The following SSBP2 variants were observed in gnomAD, a reference collection of about 807,000 sequenced individuals.
The protein encoded by SSBP2 is single stranded DNA binding protein 2.
In SSBP2, 17 loss-of-function variants were observed where a neutral mutation model predicts 61.8. The ratio of observed to expected loss-of-function variants is 0.28; its 90% CI spans 0.19 to 0.41. The LOEUF (loss-of-function observed/expected upper bound fraction) is 0.41. Among genes scored for constraint, SSBP2 ranks in the 10% least tolerant of loss-of-function variants. SSBP2 has a pLI of 1.00. For missense variants in SSBP2, 310 were observed against 458.7 expected (o/e 0.68, Z 2.96); for synonymous variants, 139 against 141.3 (o/e 0.98, Z 0.12).
At chr5:81,613,658 G>A (rs1021021648) in intron 4 of SSBP2, among the ~76,000 whole-genome samples, 13 of 152,168 alleles carry the variant, frequency 8.5e-5, no homozygotes, top group African/African-American at 2.9e-4. Context: ...TCTCCTTTAA[G>A]AGTAGAACAC....
intron 4 of SSBP2, among the ~76,000 whole-genome samples, chr5:81,568,323 G>A (rs1249148270): frequency 6.6e-6 from 1 of 152,136 alleles, no homozygotes; most frequent in East Asian, 1.9e-4. Context: ...TTTATCAGGT[G>A]TTTCCGGTTT....
intron 4 of SSBP2, among the ~76,000 whole-genome samples, chr5:81,517,146 C>T (rs181990777): frequency 6.6e-6 from 1 of 152,022 alleles, no homozygotes; most frequent in African/African-American, 2.4e-5. Context: ...TTCATTATAG[C>T]TCTCTCTTAA....
intron 1 of SSBP2, among the ~76,000 whole-genome samples, chr5:81,727,975 A>G (rs1756004679): frequency 6.6e-6 from 1 of 152,166 alleles, no homozygotes; most frequent in Admixed American, 6.5e-5. Context: ...CAGCCATAGA[A>G]AGGGCTGGGG....
intron 4 of SSBP2, among the ~76,000 whole-genome samples, chr5:81,517,370 GT>G (rs199949045): frequency 0.026 from 3,231 of 122,038 alleles, 55 homozygotes; most frequent in South Asian, 0.076. Flanking sequence ...TAAATTTCAA[GT>G]TTTTTTTTTT....
intron 4 of SSBP2, among the ~76,000 whole-genome samples, chr5:81,537,094 G>A (rs191792785): frequency 5.8e-4 from 88 of 152,038 alleles, no homozygotes; most frequent in South Asian, 1.9e-3. Flanking sequence ...TAAAAATTTC[G>A]TTAGTTGACT....
At chr5:81,747,716 T>C (rs551257451) in intron 1 of SSBP2, among the ~76,000 whole-genome samples, 1 of 152,294 alleles carries the variant, frequency 6.6e-6, no homozygotes, top group East Asian at 1.9e-4. Flanking sequence ...ATGTTCAAGA[T>C]ACCTCAGAGA....
chr5:81,549,693 C>T (rs757368678), intron 4 of SSBP2, among the ~76,000 whole-genome samples: 3 of 151,992 alleles, frequency 2.0e-5, no homozygotes, highest in South Asian at 2.1e-4. Context: ...TGATTATGAC[C>T]GTAATTTTAC....
chr5:81,631,927 C>T (rs1311031735), intron 3 of SSBP2, among the ~76,000 whole-genome samples: 1 of 152,048 alleles, frequency 6.6e-6, no homozygotes, highest in Non-Finnish European at 1.5e-5. Flanking sequence ...ACACTGAATC[C>T]ACATGTTTTC....
chr5:81,639,315 A>G (rs1289996711), intron 2 of SSBP2, among the ~76,000 whole-genome samples: 1 of 152,210 alleles, frequency 6.6e-6, no homozygotes, highest in Non-Finnish European at 1.5e-5. Context: ...AACAAGGTCA[A>G]TATCTCTAAA....
intron 4 of SSBP2, among the ~76,000 whole-genome samples, chr5:81,526,204 TAA>T (rs1376793335): frequency 6.6e-6 from 1 of 152,062 alleles, no homozygotes; most frequent in Non-Finnish European, 1.5e-5. Context: ...AGAAGAAACT[TAA>T]AGTCAAAAAA....
chr5:81,703,194 T>C (rs1754113672), intron 1 of SSBP2, among the ~76,000 whole-genome samples: 1 of 152,236 alleles, frequency 6.6e-6, no homozygotes, highest in South Asian at 2.1e-4. Context: ...TTCTAATTAA[T>C]TAAATAACTT....
intron 1 of SSBP2, among the ~76,000 whole-genome samples, chr5:81,687,859 C>A (rs985237129): frequency 6.6e-6 from 1 of 152,158 alleles, no homozygotes; most frequent in Non-Finnish European, 1.5e-5. Flanking sequence ...GGTAGCCAGG[C>A]AGTACTTGCT....
chr5:81,434,633 C>CAAAAAAAAAAAA (rs34269591), intron 15 of SSBP2, among the ~76,000 whole-genome samples: 61 of 42,924 alleles, frequency 1.4e-3, no homozygotes, highest in African/African-American at 2.2e-3. Context: ...ACTCTTGACT[C>CAAAAAAAAAAAA]AAAAAAAAAA....
At chr5:81,433,763 A>T (rs984581447) in intron 15 of SSBP2, among the ~76,000 whole-genome samples, 1 of 152,210 alleles carries the variant, frequency 6.6e-6, no homozygotes, top group Non-Finnish European at 1.5e-5. Context: ...AATCAAATAT[A>T]AATTCTGCAT....
intron 4 of SSBP2, among the ~76,000 whole-genome samples, chr5:81,604,623 A>G (rs10942274): frequency 0.17 from 25,745 of 152,092 alleles, 2,278 homozygotes; most frequent in Non-Finnish European, 0.2. Context: ...AGAAAAAAAG[A>G]AAAGAAGATA....
chr5:81,435,571 A>G (rs767413104), intron 15 of SSBP2, among the ~76,000 whole-genome samples: 3 of 152,350 alleles, frequency 2.0e-5, no homozygotes, highest in Admixed American at 1.3e-4. Context: ...ATGGGAAAGT[A>G]AGCACAGAAG....
chr5:81,456,785 A>G (rs977352316), intron 10 of SSBP2, among the ~76,000 whole-genome samples: 1 of 152,190 alleles, frequency 6.6e-6, no homozygotes, highest in African/African-American at 2.4e-5. Flanking sequence ...AGTGCCAAAA[A>G]TATTTTTGAG....
chr5:81,420,695 A>G (rs1761549801), intron 16 of SSBP2, among the ~76,000 whole-genome samples, 162 bp from the exon 17 acceptor site: 1 of 152,184 alleles, frequency 6.6e-6, no homozygotes, highest in Admixed American at 6.5e-5. Flanking sequence ...AAAAAAGTAA[A>G]ATGATACAGA....
At chr5:81,448,646 C>G in intron 11 of SSBP2, 144 bp downstream of exon 11, 1 of 747,700 alleles carries the variant, frequency 1.3e-6, no homozygotes. Flanking sequence ...AACATATGTA[C>G]TGAGGTTGGC....
Sources: gnomAD v4.1 joint callset for allele counts (sites outside exome capture counted in the v4.1 genomes callset) on GRCh38, gnomAD v4.1.1 for gene constraint, MANE v1.5 for transcripts, NCBI Gene and HGNC (gene_info 2026-07-23, HGNC 2026-07-21) for gene names.